HORMAD2: variants seen among roughly 807,000 people sequenced by gnomAD.
The protein encoded by HORMAD2 is HORMA domain containing 2, also known as HORMA domain-containing protein 2.
In HORMAD2, 45 loss-of-function variants were observed where a neutral mutation model predicts 38.8. The ratio of observed to expected loss-of-function variants is 1.16; its 90% CI spans 0.91 to 1.49. HORMAD2 has a LOEUF of 1.49. Ranked by LOEUF, HORMAD2 falls within the 40% of genes most tolerant of loss-of-function variation. The pLI is 0.00. For synonymous variants in HORMAD2, 126 were observed against 122.8 expected (o/e 1.03, Z -0.17); for missense variants, 338 against 367.0 (o/e 0.92, Z 0.65).
intron 5 of HORMAD2, among the ~76,000 whole-genome samples, chr22:30,110,849 C>G (rs1345478486): frequency 6.6e-6 from 1 of 151,798 alleles, no homozygotes; most frequent in Non-Finnish European, 1.5e-5. Flanking sequence ...ACATCTGCAA[C>G]CAAAGGTGGA....
At chr22:30,123,657 AT>A (rs1922619139) in intron 10 of HORMAD2, among the ~76,000 whole-genome samples, 1 of 149,528 alleles carries the variant, frequency 6.7e-6, no homozygotes. Flanking sequence ...TTATTTATTT[AT>A]TTATTTATTT....
chr22:30,192,787 C>G, the HORMAD2 span, among the ~76,000 whole-genome samples: 1 of 152,088 alleles, frequency 6.6e-6, no homozygotes, highest in Non-Finnish European at 1.5e-5. Flanking sequence ...GACATAGGCT[C>G]TGTGATATTC....
chr22:30,088,040 T>TAC (rs1207604398), intron 1 of HORMAD2, among the ~76,000 whole-genome samples: 3 of 141,464 alleles, frequency 2.1e-5, no homozygotes, highest in Non-Finnish European at 4.7e-5. Flanking sequence ...TATATGTGTA[T>TAC]ACACACGTAC....
At chr22:30,181,906 A>G (rs185692901), downstream of HORMAD2, among the ~76,000 whole-genome samples, 1 of 152,354 alleles carries the variant, frequency 6.6e-6, no homozygotes, top group African/African-American at 2.4e-5. Context: ...GGAAGTGTTC[A>G]AGACTAGTTG....
rs2146204791 is a variant in HORMAD2 at position 30,154,788 on chromosome 22, C to T, written c.820-21275C>T. ...CATCTTTTTAAAGAATAACATAGGG[C>T]TGGGCATGGTGGATTATGCTTGTTA... On this transcript the variant is annotated intron_variant, in intron 10 of 10. Transcript: ENST00000336726. Among the ~76,000 whole-genome samples, 3 of 152,242 alleles carry T rather than the reference C, an allele frequency of 2.0e-5. 1 individual carries two copies. The highest frequency in any genetic ancestry group is 2.0e-4 in the Admixed American group (3 of 15,288).
chr22:30,179,075 A>G (rs139607777), downstream of HORMAD2, among the ~76,000 whole-genome samples: 56 of 152,304 alleles, frequency 3.7e-4, no homozygotes, highest in African/African-American at 1.3e-3. Flanking sequence ...GTGTGTTCTT[A>G]AAATTCCACT....
At chr22:30,155,079 A>T (rs1395324894) in intron 10 of HORMAD2, among the ~76,000 whole-genome samples, 2 of 149,714 alleles carry the variant, frequency 1.3e-5, no homozygotes, top group Non-Finnish European at 1.5e-5. Flanking sequence ...CTTTTTTTAA[A>T]AAAAAAAAAA....
intron 10 of HORMAD2, among the ~76,000 whole-genome samples, chr22:30,134,441 C>A (rs913125472): frequency 2.1e-5 from 3 of 146,120 alleles, no homozygotes; most frequent in Admixed American, 6.9e-5. Flanking sequence ...AAAGTATAAT[C>A]ATAAATAAAT....
At chr22:30,085,410 G>A (rs1475254627) in intron 1 of HORMAD2, among the ~76,000 whole-genome samples, 1 of 152,134 alleles carries the variant, frequency 6.6e-6, no homozygotes, top group Non-Finnish European at 1.5e-5. Flanking sequence ...TAAACAGATG[G>A]TTGCAGAATT....
At chr22:30,183,916 C>T in the HORMAD2 span, among the ~76,000 whole-genome samples, 1 of 152,216 alleles carries the variant, frequency 6.6e-6, no homozygotes, top group African/African-American at 2.4e-5. Context: ...CATTCCCCTG[C>T]CTTCAATGTG....
At chr22:30,202,016 G>A in the HORMAD2 span, among the ~76,000 whole-genome samples, 2 of 152,276 alleles carry the variant, frequency 1.3e-5, no homozygotes, top group Non-Finnish European at 2.9e-5. Flanking sequence ...GTATTGGAGG[G>A]AAGTAGATTT....
At chr22:30,079,117 G>GT (rs539066199), upstream of HORMAD2, among the ~76,000 whole-genome samples, 45 of 150,236 alleles carry the variant, frequency 3.0e-4, no homozygotes, top group East Asian at 7.8e-4. Context: ...AACTTGAATA[G>GT]TTTTTTTTTT....
chr22:30,190,735 A>G, the HORMAD2 span, among the ~76,000 whole-genome samples: 1 of 152,236 alleles, frequency 6.6e-6, no homozygotes, highest in Non-Finnish European at 1.5e-5. Context: ...GGAAACTTTA[A>G]TGTGGCCCTT....
chr22:30,185,870 A>G, the HORMAD2 span, among the ~76,000 whole-genome samples: 1 of 151,642 alleles, frequency 6.6e-6, no homozygotes, highest in Non-Finnish European at 1.5e-5. Flanking sequence ...TTAAAAAAAA[A>G]AAAATAAAAA....
intron 1 of HORMAD2, among the ~76,000 whole-genome samples, chr22:30,091,757 C>T (rs1373709679): frequency 3.9e-5 from 6 of 152,108 alleles, no homozygotes; most frequent in African/African-American, 1.4e-4. Context: ...TTTTGAGGAC[C>T]TTCCATACTG....
the HORMAD2 span, among the ~76,000 whole-genome samples, chr22:30,192,603 A>G: frequency 6.6e-6 from 1 of 152,208 alleles, no homozygotes; most frequent in Non-Finnish European, 1.5e-5. Flanking sequence ...AGAACTAGTC[A>G]CTTCCTGTTT....
intron 8 of HORMAD2, 151 bp from the exon 9 acceptor site, chr22:30,121,481 A>G: frequency 1.9e-6 from 1 of 532,720 alleles, no homozygotes. Flanking sequence ...TGCAAAAAGT[A>G]CCATCGCTCC....
At chr22:30,136,318 C>T (rs1157257216) in intron 10 of HORMAD2, among the ~76,000 whole-genome samples, 2 of 151,934 alleles carry the variant, frequency 1.3e-5, no homozygotes, top group Non-Finnish European at 2.9e-5. Flanking sequence ...ATTTATTTAC[C>T]ATGCAATTCA....
chr22:30,187,535 A>C, the HORMAD2 span, among the ~76,000 whole-genome samples: 393 of 135,450 alleles, frequency 2.9e-3, no homozygotes, highest in African/African-American at 0.011. Context: ...GTGTGTGTGT[A>C]TTTTTTTCCG....
Sources: allele counts gnomAD v4.1 joint callset (sites outside exome capture counted in the v4.1 genomes callset), GRCh38; gene constraint gnomAD v4.1.1; transcripts MANE v1.5; gene names NCBI Gene and HGNC (gene_info 2026-07-23, HGNC 2026-07-21).